Variants in DLG2 observed in about 807,000 individuals in gnomAD.
DLG2 encodes the protein disks large homolog 2.
In DLG2, 45 loss-of-function variants were observed where a neutral mutation model predicts 132.5. That is an observed-to-expected ratio of 0.34 (90% CI 0.27 to 0.44). The LOEUF is 0.44. Among genes scored for constraint, DLG2 ranks in the 20% least tolerant of loss-of-function variants. The pLI, the probability that DLG2 is intolerant of heterozygous loss-of-function variation, is 1.00. For missense variants in DLG2, 1,045 were observed against 1,196.9 expected, an observed-to-expected ratio of 0.87 and a Z score of 1.87; for synonymous variants, 424 against 419.6, an observed-to-expected ratio of 1.01 and a Z score of -0.13.
intron 4 of DLG2, among the ~76,000 whole-genome samples, chr11:85,258,172 G>T (rs1280309621): frequency 6.6e-6 from 1 of 152,122 alleles, no homozygotes; most frequent in East Asian, 1.9e-4. Context: ...CATAGGAAAT[G>T]CATTTTTTGA....
At chr11:85,498,445 C>T (rs1319988634) in intron 3 of DLG2, among the ~76,000 whole-genome samples, 1 of 152,074 alleles carries the variant, frequency 6.6e-6, no homozygotes, top group Non-Finnish European at 1.5e-5. Flanking sequence ...CCTGAGAGAC[C>T]TAAAAAGAGA....
intron 14 of DLG2, among the ~76,000 whole-genome samples, chr11:83,945,240 C>T (rs1386661161): frequency 6.6e-6 from 1 of 152,046 alleles, no homozygotes; most frequent in African/African-American, 2.4e-5. Flanking sequence ...TTCATCATTG[C>T]GCTACAGTCT....
chr11:85,369,362 C>T (rs1409779055), intron 3 of DLG2, among the ~76,000 whole-genome samples: 4 of 152,188 alleles, frequency 2.6e-5, no homozygotes, highest in African/African-American at 9.6e-5. Context: ...AGCTTTTCTC[C>T]TGGTGGAGGA....
At chr11:85,256,633 C>A (rs529810342) in intron 4 of DLG2, among the ~76,000 whole-genome samples, 3 of 152,290 alleles carry the variant, frequency 2.0e-5, no homozygotes, top group African/African-American at 7.2e-5. Context: ...AGCTCCTGCA[C>A]CCGCCCATCT....
intron 16 of DLG2, among the ~76,000 whole-genome samples, chr11:83,836,935 G>C (rs925630268): frequency 6.6e-6 from 1 of 151,610 alleles, no homozygotes; most frequent in Non-Finnish European, 1.5e-5. Context: ...GGGAGACACA[G>C]AGCATTCACC....
intron 21 of DLG2, among the ~76,000 whole-genome samples, chr11:83,503,257 A>C (rs1220092372): frequency 1.3e-5 from 2 of 150,530 alleles, no homozygotes; most frequent in Admixed American, 6.7e-5. Flanking sequence ...AGGTTATTCT[A>C]CCAGCAAAAG....
chr11:85,268,674 C>T (rs977078077), intron 4 of DLG2, among the ~76,000 whole-genome samples: 1 of 152,170 alleles, frequency 6.6e-6, no homozygotes, highest in African/African-American at 2.4e-5. Flanking sequence ...AATCCCATTC[C>T]AATGACTTTA....
In DLG2 at chr11:83,943,211, C is replaced by G. The variant is rs144397285; in HGVS notation, c.1341-12728G>C. Among the ~76,000 whole-genome samples, 37 of 152,230 alleles carry G rather than the reference C, an allele frequency of 2.4e-4. No homozygotes were observed. The East Asian group carries it at 5.4e-3, about 22-fold the overall frequency. ...AAAATGGACTAATACACAATGTATA[C>G]ACAAGAAAACATCAAGTTGTACCCC... On this transcript the variant is annotated intron_variant, in intron 14 of 27. Transcript: ENST00000376104.
chr11:83,595,356 T>A lies in DLG2; in HGVS notation c.1940+37855A>T, dbSNP rs567105292. ...GACTATTATCATTTGCATTTTGCAG[T>A]TGAGGAAACTGAGGACAAACTGTTG... is the stretch of plus-strand genomic sequence containing the variant. On this transcript the variant is annotated intron_variant, in intron 19 of 27. Transcript: ENST00000376104. Among the ~76,000 whole-genome samples the A allele has an allele frequency of 8.9e-4, 135 of 152,338 alleles. 1 individual carries two copies. The South Asian group carries it at 9.1e-3, about 10-fold the overall frequency.
intron 7 of DLG2, among the ~76,000 whole-genome samples, chr11:84,372,847 C>G (rs1312022182): frequency 6.6e-6 from 1 of 152,058 alleles, no homozygotes; most frequent in Non-Finnish European, 1.5e-5. Flanking sequence ...TCCACTAGTT[C>G]CCATCTAAGT....
chr11:85,439,395 T>G (rs1286272918), intron 3 of DLG2, among the ~76,000 whole-genome samples: 1 of 150,622 alleles, frequency 6.6e-6, no homozygotes, highest in Non-Finnish European at 1.5e-5. Flanking sequence ...AGCCTCGCTC[T>G]GTCGCCCAGG....
intron 10 of DLG2, among the ~76,000 whole-genome samples, chr11:84,095,545 C>T (rs1175984022): frequency 1.3e-5 from 2 of 152,188 alleles, no homozygotes; most frequent in Non-Finnish European, 2.9e-5. Context: ...TCCTGTCACA[C>T]TGAGAAAAGA....
chr11:83,484,180 G>A lies in DLG2; in HGVS notation c.2242C>T (p.Pro748Ser). The A allele has an allele frequency of 1.2e-6, 2 of 1,613,424 alleles. No homozygotes were observed. Among genetic ancestry groups the A allele is most frequent in the Non-Finnish European group, 1.7e-6 (2 of 1,179,596 alleles). Residue 748 changes from proline (P) to serine (S), a missense_variant, in exon 22 of 28, where the codon CCA (proline) becomes TCA (serine). Transcript: ENST00000376104. ...KKSFIFSRKF[P>S]FYKNKEQSEQ... ...CTCTGCTCCTTGTTCTTGTAGAATG[G>A]GAATTTTCGTGAAAAGATGAAGCTC...
At chr11:85,206,864 T>A (rs11234321) in intron 4 of DLG2, among the ~76,000 whole-genome samples, 19,488 of 152,106 alleles carry the variant, frequency 0.13, 1,719 homozygotes, top group Non-Finnish European at 0.2. Flanking sequence ...TCTTTTTTTT[T>A]AATTTCAAGT....
At chr11:84,026,666 A>G (rs915167121) in intron 11 of DLG2, among the ~76,000 whole-genome samples, 13 of 152,150 alleles carry the variant, frequency 8.5e-5, no homozygotes, top group South Asian at 4.1e-4. Flanking sequence ...TATTGACTCA[A>G]TGAATAAATG....
At chr11:84,699,762 TC>T (rs1296474042) in intron 6 of DLG2, among the ~76,000 whole-genome samples, 1 of 151,592 alleles carries the variant, frequency 6.6e-6, no homozygotes, top group Non-Finnish European at 1.5e-5. Context: ...AGGACTCTTT[TC>T]TACCTCTTTT....
At chr11:83,548,251 G>C (rs1433667803) in intron 19 of DLG2, among the ~76,000 whole-genome samples, 1 of 151,992 alleles carries the variant, frequency 6.6e-6, no homozygotes, top group Non-Finnish European at 1.5e-5. Flanking sequence ...TGTGGCAAAG[G>C]AAACTTGTGG....
intron 7 of DLG2, among the ~76,000 whole-genome samples, chr11:84,347,166 C>T (rs2098542857): frequency 6.6e-6 from 1 of 151,990 alleles, no homozygotes. Context: ...TGTGCACAGA[C>T]AGAAGCTTGG....
chr11:84,502,564 T>C (rs995371362), intron 7 of DLG2, among the ~76,000 whole-genome samples: 83 of 150,816 alleles, frequency 5.5e-4, no homozygotes, highest in Admixed American at 5.4e-3. Flanking sequence ...CCTGGCTAAT[T>C]TTTTGTATTT....
Sources: allele counts gnomAD v4.1 joint callset (sites outside exome capture counted in the v4.1 genomes callset), GRCh38; gene constraint gnomAD v4.1.1; transcripts MANE v1.5; gene names NCBI Gene and HGNC (gene_info 2026-07-23, HGNC 2026-07-21).